The following SLC36A1 variants were observed in gnomAD, a reference collection of about 807,000 sequenced individuals.
The protein encoded by SLC36A1 is solute carrier family 36 member 1.
SLC36A1 carries 30 observed loss-of-function variants against 47.5 expected under a neutral mutation model. The observed-to-expected ratio is 0.63, with a 90% CI of 0.47 to 0.86. SLC36A1 has a LOEUF of 0.86. Ranked by LOEUF, SLC36A1 falls within the 40% of genes least tolerant of loss-of-function variation. SLC36A1 has a pLI of 0.00. For missense variants in SLC36A1, 517 were observed against 606.0 expected (o/e 0.85, Z 1.54); for synonymous variants, 255 against 249.7 (o/e 1.02, Z -0.20).
chr5:151,474,871 T>C (rs948892750), intron 8 of SLC36A1, among the ~76,000 whole-genome samples: 1 of 152,274 alleles, frequency 6.6e-6, no homozygotes, highest in Non-Finnish European at 1.5e-5. Context: ...GCACGGCACT[T>C]CTTTCTCTTT....
At chr5:151,532,067 C>G in the SLC36A1 span, 2 of 1,496,320 alleles carry the variant, frequency 1.3e-6, no homozygotes, top group Non-Finnish European at 1.8e-6. Context: ...TGGGGAGGGG[C>G]TCCCATGAAG....
the SLC36A1 span, among the ~76,000 whole-genome samples, chr5:151,499,206 T>G: frequency 6.6e-6 from 1 of 152,246 alleles, no homozygotes; most frequent in South Asian, 2.1e-4. Context: ...TTTAAAATTG[T>G]CTTTTTGCAG....
At chr5:151,359,066 T>C in the SLC36A1 span, among the ~76,000 whole-genome samples, 1 of 150,594 alleles carries the variant, frequency 6.6e-6, no homozygotes, top group South Asian at 2.1e-4. Flanking sequence ...TTTTTATAAA[T>C]GCCTCAATGA....
At chr5:151,464,390 A>G (rs1756024523) in intron 3 of SLC36A1, 124 bp from the exon 4 acceptor site, 4 of 761,294 alleles carry the variant, frequency 5.3e-6, no homozygotes, top group Admixed American at 2.1e-5. Flanking sequence ...GCTGGGCCCA[A>G]AGTTTTGTCA....
the SLC36A1 span, among the ~76,000 whole-genome samples, chr5:151,367,987 G>A: frequency 2.8e-4 from 43 of 152,276 alleles, 1 homozygote; most frequent in East Asian, 9.6e-4. Context: ...GGTAGGAGGC[G>A]TTGGACCCCA....
chr5:151,372,858 GA>G, the SLC36A1 span, among the ~76,000 whole-genome samples: 1 of 152,076 alleles, frequency 6.6e-6, no homozygotes. Context: ...AAAAAAGAGT[GA>G]AAAAACTAGA....
chr5:151,372,566 C>T, the SLC36A1 span, among the ~76,000 whole-genome samples: 2 of 152,086 alleles, frequency 1.3e-5, no homozygotes, highest in African/African-American at 2.4e-5. Context: ...GCCTTAGCCT[C>T]CTAAGTAGCT....
chr5:151,522,051 C>A, the SLC36A1 span: 1 of 1,604,518 alleles, frequency 6.2e-7, no homozygotes, highest in Non-Finnish European at 8.5e-7. Flanking sequence ...GGACAGACGT[C>A]AAAGACGAGA....
chr5:151,346,254 C>T, the SLC36A1 span, among the ~76,000 whole-genome samples: 2 of 152,168 alleles, frequency 1.3e-5, no homozygotes, highest in Admixed American at 6.5e-5. Context: ...CTCTCAGGGT[C>T]ACTAATACTT....
chr5:151,512,084 A>T, the SLC36A1 span: 5 of 1,370,442 alleles, frequency 3.6e-6, no homozygotes, highest in Non-Finnish European at 5.0e-6. The surrounding 1 kb of genome is among the most constrained non-coding windows in gnomAD (Gnocchi z 4.1). Flanking sequence ...AGGCTCTGAG[A>T]TCTCCACCCT....
the SLC36A1 span, among the ~76,000 whole-genome samples, chr5:151,541,501 C>T: frequency 6.6e-6 from 1 of 152,150 alleles, no homozygotes; most frequent in Non-Finnish European, 1.5e-5. Context: ...GTTGGAATTT[C>T]AGGCTCATGG....
the SLC36A1 span, among the ~76,000 whole-genome samples, chr5:151,377,305 G>A: frequency 6.6e-6 from 1 of 151,378 alleles, no homozygotes; most frequent in Non-Finnish European, 1.5e-5. Context: ...GCTATGAGTG[G>A]GGTATTGAAG....
chr5:151,401,935 A>G, the SLC36A1 span, among the ~76,000 whole-genome samples: 1 of 152,170 alleles, frequency 6.6e-6, no homozygotes, highest in Non-Finnish European at 1.5e-5. Context: ...TATAGTTGGC[A>G]AAGAGAGATA....
chr5:151,353,366 T>C, the SLC36A1 span, among the ~76,000 whole-genome samples: 2 of 152,122 alleles, frequency 1.3e-5, no homozygotes, highest in African/African-American at 2.4e-5. Context: ...AGTTTAGAGA[T>C]TGTCTACCAA....
the SLC36A1 span, among the ~76,000 whole-genome samples, chr5:151,399,065 A>AATATATATAT: frequency 5.8e-3 from 384 of 66,558 alleles, 3 homozygotes; most frequent in East Asian, 0.013. Flanking sequence ...TGTGTGTGTA[A>AATATATATAT]ATATATATAT....
upstream of SLC36A1, among the ~76,000 whole-genome samples, chr5:151,436,662 C>T (rs1013731474): frequency 3.3e-5 from 5 of 152,000 alleles, no homozygotes; most frequent in African/African-American, 1.2e-4. Context: ...AATGAATTGC[C>T]ATAGACCATC....
intron 1 of SLC36A1, among the ~76,000 whole-genome samples, chr5:151,448,763 A>T (rs919231927): frequency 2.0e-5 from 3 of 152,152 alleles, no homozygotes; most frequent in African/African-American, 7.2e-5. Flanking sequence ...GAGATTGGGG[A>T]ATCAGGATAT....
At position 151,473,689 on chromosome 5, in the gene SLC36A1, G is replaced by A; in HGVS notation, c.740G>A (p.Ser247Asn). Residue 247 changes from serine (S) to asparagine (N), a missense_variant, in exon 8 of 11, where the codon AGC becomes AAC. Physicochemically the swap from Ser to Asn is conservative, Grantham distance 46. Transcript: ENST00000243389. ...QFIVQRIPDP[S>N]HLPLVAPWKT... ...GTCTTTCAGAGGATCCCAGACCCCA[G>A]CCACCTCCCCTTGGTGGCCCCTTGG... The A allele has an allele frequency of 1.2e-5, 19 of 1,613,176 alleles. No individual in the cohort carries two copies. The highest frequency in any genetic ancestry group is 1.6e-5 in the Non-Finnish European group (19 of 1,179,268).
the SLC36A1 span, chr5:151,505,974 A>G: frequency 1.3e-6 from 2 of 1,572,756 alleles, no homozygotes; most frequent in Non-Finnish European, 1.7e-6. Flanking sequence ...TGGCATCACG[A>G]CTGGGGTTGA....
Sources: allele counts gnomAD v4.1 joint callset (sites outside exome capture counted in the v4.1 genomes callset), GRCh38; gene constraint gnomAD v4.1.1; non-coding constraint Gnocchi (gnomAD v3.1); transcripts MANE v1.5; gene names NCBI Gene and HGNC (gene_info 2026-07-23, HGNC 2026-07-21).